ARPC3: variants seen among roughly 807,000 people sequenced by gnomAD.
The protein encoded by ARPC3 is actin related protein 2/3 complex subunit 3, also known as actin-related protein 2/3 complex subunit 3.
ARPC3 carries 12 observed loss-of-function variants against 27.6 expected under a neutral mutation model. The ratio of observed to expected loss-of-function variants is 0.43; its 90% CI spans 0.28 to 0.70. The LOEUF (loss-of-function observed/expected upper bound fraction) is 0.70, where lower values mean the gene tolerates loss of function less well. Among genes scored for constraint, ARPC3 ranks in the 30% least tolerant of loss-of-function variants. The pLI is 0.17. For missense variants in ARPC3, 153 were observed against 207.7 expected, an observed-to-expected ratio of 0.74 and a Z score of 1.62; for synonymous variants, 53 against 67.2, an observed-to-expected ratio of 0.79 and a Z score of 1.03.
chr12:110,436,941 A>T, intron 4 of ARPC3, 143 bp downstream of exon 4: 1 of 734,920 alleles, frequency 1.4e-6, no homozygotes, highest in Non-Finnish European at 2.4e-6. Context: ...CTAAATTCAA[A>T]TTTTTCTCTT....
At chr12:110,436,739 C>A (rs1592950333) in intron 4 of ARPC3, 56 bp from the exon 5 acceptor site, 1 of 1,091,488 alleles carries the variant, frequency 9.2e-7, no homozygotes, top group Non-Finnish European at 1.3e-6. Flanking sequence ...CACACACACA[C>A]ACACACACAC....
chr12:110,448,444 A>AG (rs1281354836), intron 1 of ARPC3, among the ~76,000 whole-genome samples: 2 of 151,986 alleles, frequency 1.3e-5, no homozygotes, highest in Non-Finnish European at 2.9e-5. Context: ...AGGGAGGGTG[A>AG]GGCAGGAGGA....
At chr12:110,437,248 A>C in intron 3 of ARPC3, 96 bp from the exon 4 acceptor site, 3 of 854,624 alleles carry the variant, frequency 3.5e-6, no homozygotes, top group Non-Finnish European at 4.0e-6. Context: ...TTATCTGCTG[A>C]ATGCAGTGGT....
chr12:110,441,144 A>G (rs554932081), intron 2 of ARPC3, among the ~76,000 whole-genome samples: 98 of 139,810 alleles, frequency 7.0e-4, no homozygotes, highest in African/African-American at 2.5e-3. Flanking sequence ...TGCCCGGCCA[A>G]ATTTTTTTTT....
Position 110,435,146 on chromosome 12 carries a change from G to A in ARPC3, c.*9C>T, listed in dbSNP as rs11553916. 29 of 1,612,500 alleles carry A rather than the reference G, an allele frequency of 1.8e-5. No individual in the cohort carries two copies. The highest frequency in any genetic ancestry group is 1.8e-4 in the East Asian group (8 of 44,858). ...AGGGCTCTGGAGACGGTGGCTGCCC[G>A]GGCTCCCTTCACTGTCCAGGTCCTG... On this transcript the variant is annotated 3_prime_UTR_variant, in exon 7 of 7. Coordinates refer to ENST00000228825, the MANE Select transcript of ARPC3 (RefSeq NM_001278556.2).
chr12:110,436,725 C>T (rs776583347), intron 4 of ARPC3, 42 bp from the exon 5 acceptor site: 7 of 982,656 alleles, frequency 7.1e-6, no homozygotes, highest in South Asian at 4.5e-5. Context: ...CACACACACA[C>T]ACACACACAC....
At chr12:110,441,873 A>C (rs941937381) in intron 2 of ARPC3, among the ~76,000 whole-genome samples, 1 of 151,706 alleles carries the variant, frequency 6.6e-6, no homozygotes, top group African/African-American at 2.4e-5. Context: ...TCTACTAAAA[A>C]TACAAAAAAT....
In ARPC3 at chr12:110,448,981, G is replaced by A. The variant is rs554436738; in HGVS notation, c.6+1274C>T. The stretch of plus-strand genomic sequence containing the variant: ...AGTAGAGATGGGGTTTCACCATGTT[G>A]GCCAGGCTGGTCTTGAACTCCTGAC... On this transcript the variant is annotated intron_variant, in intron 1 of 6. Transcript: ENST00000228825. 5.3e-5 allele frequency among the ~76,000 whole-genome samples: 8 copies of A among 151,600 alleles called. No individual in the cohort carries two copies. In the South Asian group the frequency reaches 1.7e-3, roughly 32 times the overall value.
At chr12:110,437,347 C>T (rs2062411996) in intron 3 of ARPC3, 195 bp from the exon 4 acceptor site, 2 of 560,566 alleles carry the variant, frequency 3.6e-6, no homozygotes, top group Non-Finnish European at 6.4e-6. Context: ...GAGGAAGGCA[C>T]AAGCCCCACT....
chr12:110,450,227 C>T (rs1205791608), intron 1 of ARPC3, 28 bp downstream of exon 1: 2 of 1,613,852 alleles, frequency 1.2e-6, no homozygotes, highest in Admixed American at 1.7e-5. Flanking sequence ...TCCCCGCTGT[C>T]TCCCCACACC....
intron 4 of ARPC3, 75 bp downstream of exon 4, chr12:110,436,999 GTCTCAACAAA>G (rs2062409970): frequency 1.0e-6 from 1 of 987,256 alleles, no homozygotes; most frequent in South Asian, 1.3e-5. Context: ...TGTCTTTAAA[GTCTCAACAAA>G]TCCCAGATGA....
At chr12:110,449,697 G>A (rs1329135928) in intron 1 of ARPC3, among the ~76,000 whole-genome samples, 1 of 152,140 alleles carries the variant, frequency 6.6e-6, no homozygotes, top group African/African-American at 2.4e-5. Flanking sequence ...CAACCAGGCC[G>A]TCATAATTTT....
chr12:110,448,280 G>C (rs945918369), intron 1 of ARPC3, among the ~76,000 whole-genome samples: 3 of 152,058 alleles, frequency 2.0e-5, no homozygotes, highest in Admixed American at 2.0e-4. Context: ...CAGGAATCAT[G>C]GTACCTACTT....
At chr12:110,436,061 TG>T in intron 6 of ARPC3, 48 bp downstream of exon 6, 1 of 1,403,568 alleles carries the variant, frequency 7.1e-7, no homozygotes, top group South Asian at 1.2e-5. Context: ...ATGGTGGCTA[TG>T]GGATAAAAGG....
In ARPC3 at chr12:110,450,235, AC is replaced by A. The variant is rs773919812; in HGVS notation, c.6+19del. 1 of 1,613,804 alleles carries A rather than the reference AC, an allele frequency of 6.2e-7. No homozygotes were observed. The highest frequency in any genetic ancestry group is 1.7e-5 in the Admixed American group (1 of 59,976). ...TTCGCAATCCCCGCTGTCTCCCCAC[AC>A]CGTGGATCGAACCCTCACCGGCATC... On this transcript the variant is annotated intron_variant, in intron 1 of 6. Coordinates refer to ENST00000228825, the MANE Select transcript of ARPC3 (RefSeq NM_001278556.2).
chr12:110,437,262 A>C (rs200636217), intron 3 of ARPC3, 110 bp from the exon 4 acceptor site: 90 of 773,872 alleles, frequency 1.2e-4, no homozygotes. Context: ...CAGTGGTAGG[A>C]CAGCCACTAT....
Position 110,444,677 on chromosome 12 carries a change from C to T in ARPC3, c.106+775G>A, listed in dbSNP as rs576920591. Among the ~76,000 whole-genome samples the T allele has an allele frequency of 6.6e-5, 10 of 152,250 alleles. No homozygotes were observed. In the South Asian group the frequency reaches 2.1e-3, roughly 32 times the overall value. ...GAATCAAGTAGAGACTGTGGTGACT[C>T]ACCATATGCATTAAGTTTACTGAGC... On this transcript the variant is annotated intron_variant, in intron 2 of 6. Coordinates refer to ENST00000228825, the MANE Select transcript of ARPC3 (RefSeq NM_001278556.2).
chr12:110,448,222 C>G (rs2062476780), intron 1 of ARPC3, among the ~76,000 whole-genome samples: 1 of 152,034 alleles, frequency 6.6e-6, no homozygotes, highest in African/African-American at 2.4e-5. Flanking sequence ...TACTAGGCAA[C>G]CTTGTCCAAA....
At chr12:110,442,843 A>G (rs1375574813) in intron 2 of ARPC3, 2 of 152,116 alleles carry the variant, frequency 1.3e-5, no homozygotes, top group Non-Finnish European at 2.9e-5. Flanking sequence ...ACAAAGACAG[A>G]TCTCATGACA....
Sources: gnomAD v4.1 joint callset for allele counts (sites outside exome capture counted in the v4.1 genomes callset) on GRCh38, gnomAD v4.1.1 for gene constraint, MANE v1.5 for transcripts, NCBI Gene and HGNC (gene_info 2026-07-23, HGNC 2026-07-21) for gene names.